CAPN14: variants seen among roughly 807,000 people sequenced by gnomAD.
CAPN14 encodes the protein calpain 14, also known as calpain-14.
In CAPN14, 94 loss-of-function variants were observed where a neutral mutation model predicts 101.3. That is an observed-to-expected ratio of 0.93 (90% CI 0.79 to 1.10). The LOEUF (loss-of-function observed/expected upper bound fraction) is 1.10, where lower values mean the gene tolerates loss of function less well. Among genes scored for constraint, CAPN14 ranks in the 50% least tolerant of loss-of-function variants. CAPN14 has a pLI of 0.00. For missense variants in CAPN14, 837 were observed against 828.4 expected (o/e 1.01, Z -0.13); for synonymous variants, 338 against 317.9 (o/e 1.06, Z -0.67).
At chr2:31,218,238 C>A (rs1221901471), upstream of CAPN14, among the ~76,000 whole-genome samples, 1 of 150,288 alleles carries the variant, frequency 6.7e-6, no homozygotes, top group Non-Finnish European at 1.5e-5. Context: ...TCCCCACCCC[C>A]ACCCCCAAAT....
chr2:31,176,623 G>T lies in CAPN14; in HGVS notation c.1992C>A (p.Thr664=), dbSNP rs1389112186. The T allele has an allele frequency of 1.3e-6, 2 of 1,551,592 alleles. No individual in the cohort carries two copies. The highest frequency in any genetic ancestry group is 3.9e-5 in the Admixed American group (2 of 51,000). Residue 664 remains threonine, a synonymous_variant, in exon 21 of 22, where the codon ACC becomes ACA. Coordinates refer to ENST00000403897, the MANE Select transcript of CAPN14 (RefSeq NM_001145122.2). ...ENMEDVFQNL[T]QDGKGIYLQK... is the part of the protein sequence containing the mutation. ...GGAGGTATATCCCTTTGCCATCTTG[G>T]GTTAAGTTTTGGAAGACATCTGTGA...
chr2:31,193,081 C>A, intron 10 of CAPN14, 50 bp downstream of exon 10: 1 of 1,500,850 alleles, frequency 6.7e-7, no homozygotes, highest in Admixed American at 2.0e-5. Flanking sequence ...ATTCTGACAC[C>A]CCCGCCCACA....
chr2:31,173,826 T>G lies in CAPN14; in HGVS notation c.*855A>C, dbSNP rs1457796534. ...AGAGGGATGACATAAACAAGGTGTTTCATGGTAGTTCAAAAAATCAGATAT... is the reference window on the plus strand; with the variant it reads ...AGAGGGATGACATAAACAAGGTGTTGCATGGTAGTTCAAAAAATCAGATAT... On this transcript the variant is annotated 3_prime_UTR_variant, in exon 22 of 22. Transcript: ENST00000403897. 6.6e-6 allele frequency: 1 copy of G among 152,170 alleles called. No homozygotes were observed. 9.4% of individuals were successfully genotyped at this position (152,170 alleles called of 1,614,324 possible).
intron 15 of CAPN14, 83 bp from the exon 16 acceptor site, chr2:31,186,568 G>A: frequency 2.0e-6 from 2 of 1,011,848 alleles, no homozygotes; most frequent in Non-Finnish European, 2.9e-6. Flanking sequence ...GACTGGCCAT[G>A]AAATTAAACT....
intron 1 of CAPN14, among the ~76,000 whole-genome samples, chr2:31,210,460 CATAAAATAAA>C (rs10550181): frequency 0.59 from 89,113 of 150,612 alleles, 27,393 homozygotes; most frequent in East Asian, 0.94. Flanking sequence ...AAAAATAAAA[CATAAAATAAA>C]ATAAAATAAA....
intron 1 of CAPN14, among the ~76,000 whole-genome samples, chr2:31,209,045 C>G (rs2148696938): frequency 6.6e-6 from 1 of 152,170 alleles, no homozygotes; most frequent in South Asian, 2.1e-4. Flanking sequence ...TCACAGCTTA[C>G]TACAGCCTTG....
chr2:31,192,684 G>A (rs1278240268), intron 10 of CAPN14, among the ~76,000 whole-genome samples: 5 of 152,156 alleles, frequency 3.3e-5, no homozygotes, highest in African/African-American at 4.8e-5. Context: ...ATCCTGGGAA[G>A]CCCTGGGTTT....
intron 8 of CAPN14, 26 bp downstream of exon 8, chr2:31,197,223 C>T: frequency 6.7e-7 from 1 of 1,499,670 alleles, no homozygotes; most frequent in South Asian, 1.2e-5. Context: ...CTGTTCTCAC[C>T]CCTCCAAGAT....
rs1464163716 is a variant in CAPN14, at chr2:31,205,466, T to G, written c.-19A>C. The G allele has an allele frequency of 5.2e-6, 8 of 1,539,172 alleles. No homozygotes were observed. On this transcript the variant is annotated 5_prime_UTR_variant, in exon 2 of 22. Transcript: ENST00000403897. ...GAGACATGGCAGGTGGTGGGTACAG[T>G]CCAGTGAGTCTTCCTGAGGAGTCTC...
At chr2:31,231,583 C>T (rs1355272571) in intron 1 of CAPN14, among the ~76,000 whole-genome samples, 3 of 152,288 alleles carry the variant, frequency 2.0e-5, no homozygotes, top group South Asian at 2.1e-4. Flanking sequence ...AGATAGATTT[C>T]AACTACTCAA....
intron 5 of CAPN14, among the ~76,000 whole-genome samples, chr2:31,201,138 G>T (rs952386175): frequency 8.2e-6 from 1 of 122,156 alleles, no homozygotes; most frequent in Non-Finnish European, 1.7e-5. Context: ...TGTATGTGTG[G>T]ACGTGTGTGT....
intron 1 of CAPN14, among the ~76,000 whole-genome samples, chr2:31,207,570 C>T (rs563534706): frequency 2.5e-4 from 38 of 152,098 alleles, no homozygotes; most frequent in African/African-American, 8.0e-4. Context: ...AAGTTCGATA[C>T]CAGCTGGGGC....
chr2:31,213,080 G>A (rs1682478005), intron 1 of CAPN14, among the ~76,000 whole-genome samples: 1 of 152,240 alleles, frequency 6.6e-6, no homozygotes, highest in African/African-American at 2.4e-5. Flanking sequence ...TTTATCTTGA[G>A]CAGGGATTGT....
At chr2:31,229,734 G>A (rs1261570436) in intron 1 of CAPN14, among the ~76,000 whole-genome samples, 2 of 149,596 alleles carry the variant, frequency 1.3e-5, no homozygotes, top group Non-Finnish European at 3.0e-5. Context: ...TGTATATATA[G>A]TATATAGCTG....
intron 16 of CAPN14, among the ~76,000 whole-genome samples, 194 bp downstream of exon 16, chr2:31,186,234 T>C (rs1680893583): frequency 6.6e-6 from 1 of 152,192 alleles, no homozygotes; most frequent in Admixed American, 6.5e-5. Flanking sequence ...AAAATAATAA[T>C]AACGATTTTC....
intron 12 of CAPN14, among the ~76,000 whole-genome samples, chr2:31,190,366 A>G (rs1681117883): frequency 6.6e-6 from 1 of 152,190 alleles, no homozygotes; most frequent in South Asian, 2.1e-4. Flanking sequence ...AATAAAATAC[A>G]TATCCTGATG....
chr2:31,205,930 CT>C lies in CAPN14; in HGVS notation c.-52-432del, dbSNP rs201930581. Among the ~76,000 whole-genome samples, 1,455 of 152,192 alleles carry C rather than the reference CT, an allele frequency of 9.6e-3. 21 individuals carry two copies. Among genetic ancestry groups the C allele is most frequent in the African/African-American group, 0.034 (1,394 of 41,514 alleles). On this transcript the variant is annotated intron_variant, in intron 1 of 21. Coordinates refer to ENST00000403897, the MANE Select transcript of CAPN14 (RefSeq NM_001145122.2). ...CTCAGGCCTCCACCAGGCCTGCCAA[CT>C]CCTGCCTCCCAGCTACAGACACACA...
At chr2:31,176,783 C>T (rs1020075163) in intron 20 of CAPN14, 141 bp from the exon 21 acceptor site, 7 of 776,592 alleles carry the variant, frequency 9.0e-6, no homozygotes, top group East Asian at 2.7e-5. Context: ...TGTGACCACA[C>T]GCAGCCACAT....
chr2:31,203,414 T>G (rs546116591), intron 2 of CAPN14, among the ~76,000 whole-genome samples: 2 of 152,316 alleles, frequency 1.3e-5, no homozygotes, highest in East Asian at 1.9e-4. Flanking sequence ...TTCTTAGAGT[T>G]TCTATTAAAA....
Sources: gnomAD v4.1 joint callset for allele counts (sites outside exome capture counted in the v4.1 genomes callset) on GRCh38, gnomAD v4.1.1 for gene constraint, MANE v1.5 for transcripts, NCBI Gene and HGNC (gene_info 2026-07-23, HGNC 2026-07-21) for gene names.